Variants in RAP1GAP2 observed in about 807,000 individuals in gnomAD.
The protein encoded by RAP1GAP2 is rap1 GTPase-activating protein 2.
In RAP1GAP2, 27 loss-of-function variants were observed where a neutral mutation model predicts 95.0. The observed-to-expected ratio is 0.28, with a 90% CI of 0.21 to 0.39. The LOEUF (loss-of-function observed/expected upper bound fraction) is 0.39. RAP1GAP2 is among the 10% of genes least tolerant of loss of function. The probability of loss-of-function intolerance (pLI) is 1.00; values close to 1 mark genes in which losing one functional copy is unlikely to be tolerated. For missense variants in RAP1GAP2, 771 were observed against 970.0 expected, an observed-to-expected ratio of 0.79 and a Z score of 2.72; for synonymous variants, 373 against 380.9, an observed-to-expected ratio of 0.98 and a Z score of 0.24.
intron 2 of RAP1GAP2, among the ~76,000 whole-genome samples, chr17:2,801,474 C>CA (rs55905445): frequency 0.44 from 61,308 of 139,466 alleles, 13,585 homozygotes; most frequent in Middle Eastern, 0.57. Flanking sequence ...GACTCTGTCT[C>CA]AAAAAAAAAA....
chr17:2,820,118 A>G (rs776155037), intron 2 of RAP1GAP2, among the ~76,000 whole-genome samples: 7 of 152,032 alleles, frequency 4.6e-5, no homozygotes, highest in African/African-American at 7.2e-5. Context: ...ATTAATTTGT[A>G]CAAATAGATC....
At chr17:3,023,881 C>A (rs780732793) in intron 19 of RAP1GAP2, among the ~76,000 whole-genome samples, 2 of 152,024 alleles carry the variant, frequency 1.3e-5, no homozygotes, top group African/African-American at 2.4e-5. Context: ...GTTCAACTCC[C>A]ACTTATGAGC....
intron 3 of RAP1GAP2, among the ~76,000 whole-genome samples, chr17:2,911,058 T>C (rs181735785): frequency 4.6e-5 from 7 of 152,296 alleles, no homozygotes; most frequent in Non-Finnish European, 7.4e-5. Flanking sequence ...GCTCATCTCA[T>C]GCTTGCTCAT....
chr17:2,907,920 C>T (rs1455071179), intron 3 of RAP1GAP2, among the ~76,000 whole-genome samples: 2 of 152,164 alleles, frequency 1.3e-5, no homozygotes, highest in Non-Finnish European at 2.9e-5. Flanking sequence ...GCTTCTCCTA[C>T]CTGAGCCTCC....
rs1241483813 is a variant in RAP1GAP2, at chr17:2,903,224, T to G, written c.81-2060T>G. Among the ~76,000 whole-genome samples, 2 of 152,124 alleles carry G rather than the reference T, an allele frequency of 1.3e-5. No homozygotes were observed. The highest frequency in any genetic ancestry group is 2.9e-5 in the Non-Finnish European group (2 of 68,020). On this transcript the variant is annotated intron_variant, in intron 2 of 24. Transcript: ENST00000254695. The surrounding 1 kb of genome is among the most constrained non-coding windows in gnomAD (Gnocchi z 4.1). ...GGGCCCGAAGAGGACCTGAGGGTGA[T>G]GCCCTCCTGCTTGATCATTCTTCCT... is the stretch of plus-strand genomic sequence containing the variant.
Position 3,036,410 on chromosome 17 carries a change from C to T in RAP1GAP2, c.*3049C>T, listed in dbSNP as rs2047467506. The T allele has an allele frequency of 6.6e-6, 1 of 152,236 alleles. No homozygotes were observed. The highest frequency in any genetic ancestry group is 2.4e-5 in the African/African-American group (1 of 41,416). The allele number at this position is 152,236 out of a possible 1,614,324, so 9.4% of individuals were successfully genotyped here. A position where few individuals can be genotyped will look rare whatever the true frequency, so the allele number is the denominator to read the frequency against. ...GAATAAGTGGCTGCGTTTCCTGGGG[C>T]CCTGGGTTTTGGGGAAGCCAGTTAG... On this transcript the variant is annotated 3_prime_UTR_variant, in exon 25 of 25. Coordinates refer to ENST00000254695, the MANE Select transcript of RAP1GAP2 (RefSeq NM_015085.5).
intron 23 of RAP1GAP2, 76 bp from the exon 24 acceptor site, chr17:3,032,335 A>G: frequency 6.4e-7 from 1 of 1,556,076 alleles, no homozygotes; most frequent in Non-Finnish European, 8.9e-7. Context: ...TTGAGAGCTG[A>G]GTGCACAGAG....
In RAP1GAP2 at chr17:2,965,694, A is replaced by G. The variant is rs1223419641; in HGVS notation, c.596+51A>G. The G allele has an allele frequency of 2.2e-6, 3 of 1,371,008 alleles. No individual in the cohort carries two copies. The highest frequency in any genetic ancestry group is 2.0e-6 in the Non-Finnish European group (2 of 979,848). The allele number at this position is 1,371,008 out of a possible 1,614,324, so 84.9% of individuals were successfully genotyped here. ...CACTTCTCTTCCAGGCAGGGCTCTC[A>G]TCGGTGGTGTGGGGGCTGGGATGGG... On this transcript the variant is annotated intron_variant, in intron 8 of 24. Coordinates refer to ENST00000254695, the MANE Select transcript of RAP1GAP2 (RefSeq NM_015085.5). This position sits in a 1 kb window ranked among gnomAD's most constrained non-coding sequence, Gnocchi z 4.7.
intron 17 of RAP1GAP2, among the ~76,000 whole-genome samples, chr17:3,012,416 G>A (rs1055092075): frequency 4.0e-5 from 6 of 151,730 alleles, no homozygotes; most frequent in South Asian, 2.1e-4. Flanking sequence ...TCAGGAGTTC[G>A]AGACCAGCCT....
At chr17:2,941,372 C>T (rs547203073) in intron 3 of RAP1GAP2, among the ~76,000 whole-genome samples, 1 of 152,020 alleles carries the variant, frequency 6.6e-6, no homozygotes, top group Non-Finnish European at 1.5e-5. Flanking sequence ...TGTGCCGTTG[C>T]ACTCCAGCCT....
At position 3,029,997 on chromosome 17, in the gene RAP1GAP2, G is replaced by A. The variant is rs958752777; in HGVS notation, c.2108-925G>A. ...GAATGTGTGTAATTCTGACATGAAT[G>A]TGGACTGATATTACCATGTTTGTTA... On this transcript the variant is annotated intron_variant, in intron 22 of 24. Transcript: ENST00000254695. The surrounding 1 kb of genome is among the most constrained non-coding windows in gnomAD (Gnocchi z 4.4). 3.5e-5 allele frequency among the ~76,000 whole-genome samples: 5 copies of A among 142,210 alleles called. No individual in the cohort carries two copies. The highest frequency in any genetic ancestry group is 1.4e-4 in the Admixed American group (2 of 14,262). 93.3% of individuals were successfully genotyped at this position (142,210 alleles called of 152,430 possible).
chr17:2,873,952 C>T (rs566167067), intron 2 of RAP1GAP2, among the ~76,000 whole-genome samples: 10 of 147,120 alleles, frequency 6.8e-5, no homozygotes, highest in Middle Eastern at 3.4e-3. Context: ...GGTAGAGACG[C>T]GGTGGGGGGG....
intron 2 of RAP1GAP2, among the ~76,000 whole-genome samples, chr17:2,828,351 A>AAAC (rs1555548893): frequency 1.3e-5 from 2 of 151,048 alleles, no homozygotes; most frequent in East Asian, 1.9e-4. Context: ...AAACAACAAC[A>AAAC]AACAAACAAA....
rs886884317 is a variant in RAP1GAP2 at position 2,825,583 on chromosome 17, C to T, written c.80+25033C>T. 2.0e-5 allele frequency among the ~76,000 whole-genome samples: 3 copies of T among 152,064 alleles called. No homozygotes were observed. Among genetic ancestry groups the T allele is most frequent in the Non-Finnish European group, 4.4e-5 (3 of 68,032 alleles). On this transcript the variant is annotated intron_variant, in intron 2 of 24. Coordinates refer to ENST00000254695, the MANE Select transcript of RAP1GAP2 (RefSeq NM_015085.5). This position sits in a 1 kb window ranked among gnomAD's most constrained non-coding sequence, Gnocchi z 4.1. Reference sequence around the variant, plus strand: ...CACTGCTGGGGTTACCTTGGGCAACCGTCTGAACCTCTCTGAGCTTGTTTT... The same window carrying T: ...CACTGCTGGGGTTACCTTGGGCAACTGTCTGAACCTCTCTGAGCTTGTTTT...
At chr17:3,026,516 C>A in intron 21 of RAP1GAP2, 52 bp downstream of exon 21, 1 of 1,372,222 alleles carries the variant, frequency 7.3e-7, no homozygotes, top group South Asian at 1.4e-5. Context: ...GTCAGCCAGC[C>A]ACCCTCCTTG....
chr17:2,845,058 C>G (rs2071527731), intron 2 of RAP1GAP2, among the ~76,000 whole-genome samples: 1 of 152,182 alleles, frequency 6.6e-6, no homozygotes, highest in African/African-American at 2.4e-5. Context: ...CACACTGTGC[C>G]TAGTACCCTC....
chr17:3,031,959 G>A (rs1322155686), intron 23 of RAP1GAP2, among the ~76,000 whole-genome samples: 2 of 130,684 alleles, frequency 1.5e-5, no homozygotes, highest in African/African-American at 2.9e-5. Context: ...TGAGGTGGAA[G>A]GTGCTGGTTC....
rs768184485 is a variant in RAP1GAP2 at position 3,026,476 on chromosome 17, C to T, written c.1980+12C>T. On this transcript the variant is annotated intron_variant, in intron 21 of 24. Transcript: ENST00000254695. ...AGGGCGACAGTGGGGTAGGTGTGCC[C>T]CGTCCACCCTTGGGCAGGCACTCTG... The T allele has an allele frequency of 1.1e-4, 166 of 1,538,458 alleles. No homozygotes were observed. The highest frequency in any genetic ancestry group is 1.7e-4 in the Middle Eastern group (1 of 5,944).
Position 2,965,277 on chromosome 17 carries a change from G to C in RAP1GAP2, c.493-263G>C. ...CCCCCGACCATTGGTTTTCCCATCT[G>C]TGAAATGGGGATGATGTTCTCTCCC... is the stretch of plus-strand genomic sequence containing the variant. On this transcript the variant is annotated intron_variant, in intron 7 of 24. Transcript: ENST00000254695. This position sits in a 1 kb window ranked among gnomAD's most constrained non-coding sequence, Gnocchi z 4.7. 1 of 489,694 alleles carries C rather than the reference G, an allele frequency of 2.0e-6. No homozygotes were observed. Among genetic ancestry groups the C allele is most frequent in the South Asian group, 2.4e-5 (1 of 40,970 alleles). The allele number at this position is 489,694 out of a possible 1,614,324, so 30.3% of individuals were successfully genotyped here.
Sources: gnomAD v4.1 joint callset for allele counts (sites outside exome capture counted in the v4.1 genomes callset) on GRCh38, gnomAD v4.1.1 for gene constraint, Gnocchi (gnomAD v3.1) non-coding constraint, MANE v1.5 for transcripts, NCBI Gene and HGNC (gene_info 2026-07-23, HGNC 2026-07-21) for gene names.